Variants in MIA2 observed in about 807,000 individuals in gnomAD.
MIA2 encodes the protein melanoma inhibitory activity protein 2.
A neutral mutation model predicts 167.8 loss-of-function variants in MIA2; 127 were observed. The ratio of observed to expected loss-of-function variants is 0.76; its 90% CI spans 0.66 to 0.88. The LOEUF is 0.88. MIA2 is among the 40% of genes least tolerant of loss of function. The probability of loss-of-function intolerance (pLI) is 0.00; values close to 1 mark genes in which losing one functional copy is unlikely to be tolerated. For synonymous variants in MIA2, 552 were observed against 541.9 expected, an observed-to-expected ratio of 1.02 and a Z score of -0.26; for missense variants, 1,690 against 1,624.7, an observed-to-expected ratio of 1.04 and a Z score of -0.69.
At chr14:39,303,206 A>G (rs1415132869) in intron 15 of MIA2, among the ~76,000 whole-genome samples, 2 of 152,146 alleles carry the variant, frequency 1.3e-5, no homozygotes, top group Admixed American at 6.5e-5. Context: ...ATTGTGGTCT[A>G]TATTTAGATG....
downstream of MIA2, among the ~76,000 whole-genome samples, chr14:39,356,125 G>A (rs372749101): frequency 1.1e-4 from 16 of 152,190 alleles, no homozygotes; most frequent in East Asian, 9.6e-4. Flanking sequence ...TTCAGAAGGA[G>A]TGGTACCAGC....
Position 39,348,876 on chromosome 14 carries a change from G to A in MIA2, c.3971G>A (p.Gly1324Glu). The change falls in exon 28 of 29, where the codon GGA (glycine) becomes GAA (glutamate). Residue 1324 changes from glycine to glutamate, a missense_variant. Coordinates refer to ENST00000640607, the MANE Select transcript of MIA2 (RefSeq NM_001329214.4). The part of the protein sequence containing the change: ...VDARGPFLRR[G>E]PPFPPPPPGA... Reference sequence around the variant, plus strand: ...GCAAGAGGCCCATTCTTGAGAAGAGGACCTCCTTTCCCCCCACCTCCTCCA... The same window carrying A: ...GCAAGAGGCCCATTCTTGAGAAGAGAACCTCCTTTCCCCCCACCTCCTCCA... 6.2e-7 allele frequency: 1 copy of A among 1,614,044 alleles called. No homozygotes were observed. Among genetic ancestry groups the A allele is most frequent in the South Asian group, 1.1e-5 (1 of 91,082 alleles).
chr14:39,349,276 T>C (rs2074038686), intron 28 of MIA2, among the ~76,000 whole-genome samples: 1 of 152,214 alleles, frequency 6.6e-6, no homozygotes, highest in Non-Finnish European at 1.5e-5. Flanking sequence ...TGTACCTTAT[T>C]TGGTAGCAAC....
At chr14:39,327,340 C>T (rs768493987) in intron 25 of MIA2, among the ~76,000 whole-genome samples, 6 of 152,142 alleles carry the variant, frequency 3.9e-5, no homozygotes, top group Non-Finnish European at 5.9e-5. Context: ...GTCATCTTAG[C>T]GTGTCCTTCC....
chr14:39,376,259 G>A (rs1427123944), intron 23 of MIA2, among the ~76,000 whole-genome samples: 1 of 152,000 alleles, frequency 6.6e-6, no homozygotes, highest in Non-Finnish European at 1.5e-5. Context: ...CAGCCAAATG[G>A]TTTTACATTT....
intron 23 of MIA2, among the ~76,000 whole-genome samples, chr14:39,359,245 G>T (rs1472245111): frequency 6.6e-6 from 1 of 152,208 alleles, no homozygotes; most frequent in African/African-American, 2.4e-5. Flanking sequence ...TCAAGCCTCA[G>T]CAATGGCGGG....
chr14:39,247,424 A>G lies in MIA2; in HGVS notation c.850A>G (p.Ile284Val). 6.2e-7 allele frequency: 1 copy of G among 1,614,120 alleles called. No individual in the cohort carries two copies. Among genetic ancestry groups the G allele is most frequent in the African/African-American group, 1.3e-5 (1 of 75,068 alleles). Residue 284 changes from isoleucine (I) to valine (V), a missense_variant, in exon 4 of 29, where the codon ATT becomes GTT. By Grantham distance (29) the Ile-to-Val change is conservative. Transcript: ENST00000640607. ...ACATCAGCAAGAATCTGAATCAGAA[A>G]TTGATTCAGTGCCAAAGACACAGTC... ...TEHQQESESE[I>V]DSVPKTQSEL...
At chr14:39,359,231 C>G (rs1350376528) in intron 23 of MIA2, among the ~76,000 whole-genome samples, 1 of 152,176 alleles carries the variant, frequency 6.6e-6, no homozygotes, top group South Asian at 2.1e-4. Flanking sequence ...GTTTGTTTAC[C>G]TGCTCAAGCC....
At chr14:39,314,676 G>A (rs796292301) in intron 19 of MIA2, 63 bp from the exon 20 acceptor site, 2 of 822,984 alleles carry the variant, frequency 2.4e-6, no homozygotes, top group Admixed American at 2.8e-5. Context: ...TTTTTTAGTA[G>A]AGAGTATGTT....
chr14:39,239,908 C>A (rs1289284723), intron 2 of MIA2, among the ~76,000 whole-genome samples: 2 of 152,066 alleles, frequency 1.3e-5, no homozygotes, highest in African/African-American at 2.4e-5. Flanking sequence ...GATTAGAGGG[C>A]CAAAAGAAAT....
At chr14:39,385,965 C>T (rs769167083) in intron 23 of MIA2, 102 of 818,382 alleles carry the variant, frequency 1.2e-4, no homozygotes, top group Non-Finnish European at 2.0e-4. Flanking sequence ...GACCAGGAGC[C>T]TGTCCGCCAC....
intron 18 of MIA2, among the ~76,000 whole-genome samples, chr14:39,311,552 A>C (rs1355466580): frequency 7.6e-6 from 1 of 132,412 alleles, no homozygotes; most frequent in Non-Finnish European, 1.5e-5. Flanking sequence ...ATCTTGGCTT[A>C]CCACAAGCTC....
At chr14:39,294,603 C>CT (rs2061167806) in intron 12 of MIA2, among the ~76,000 whole-genome samples, 1 of 151,918 alleles carries the variant, frequency 6.6e-6, no homozygotes, top group South Asian at 2.1e-4. Context: ...TTGCTTGACA[C>CT]TTAACATTAA....
At chr14:39,279,121 A>G (rs1348841229) in intron 7 of MIA2, among the ~76,000 whole-genome samples, 2 of 134,876 alleles carry the variant, frequency 1.5e-5, no homozygotes, top group Non-Finnish European at 3.1e-5. Context: ...AGATCGCGTC[A>G]TTGCACTCCA....
At chr14:39,384,666 C>T (rs2075237054) in intron 23 of MIA2, among the ~76,000 whole-genome samples, 1 of 152,162 alleles carries the variant, frequency 6.6e-6, no homozygotes, top group Non-Finnish European at 1.5e-5. Flanking sequence ...TCAAGATCCT[C>T]ACTCCGGCAC....
chr14:39,279,995 A>G (rs1322276241), intron 9 of MIA2, among the ~76,000 whole-genome samples: 1 of 152,196 alleles, frequency 6.6e-6, no homozygotes, highest in Non-Finnish European at 1.5e-5. Flanking sequence ...AATTCAGTCC[A>G]TAATAGTCTT....
chr14:39,332,260 A>C (rs1198892040), intron 25 of MIA2, among the ~76,000 whole-genome samples: 1 of 152,116 alleles, frequency 6.6e-6, no homozygotes, highest in Non-Finnish European at 1.5e-5. Context: ...TGTATGCTTC[A>C]TGAAGTTCTC....
rs150675993 is a variant in MIA2 at position 39,306,245 on chromosome 14, T to C, written c.2878+1864T>C. Among the ~76,000 whole-genome samples the C allele has an allele frequency of 2.0e-3, 298 of 152,304 alleles. 2 individuals carry two copies. The highest frequency in any genetic ancestry group is 6.6e-3 in the African/African-American group (276 of 41,570). On this transcript the variant is annotated intron_variant, in intron 17 of 28. Coordinates refer to ENST00000640607, the MANE Select transcript of MIA2 (RefSeq NM_001329214.4). ...ATGTTTAATGGGTTATATTAGTCCG[T>C]TCTCACATTGCTGTAAAGAACTACC... is the stretch of plus-strand genomic sequence containing the variant.
chr14:39,321,687 T>A (rs1285076686), intron 24 of MIA2, among the ~76,000 whole-genome samples: 2 of 152,088 alleles, frequency 1.3e-5, no homozygotes, highest in Non-Finnish European at 2.9e-5. Context: ...AATATAAAAT[T>A]TTGTAAGACT....
Sources: allele counts gnomAD v4.1 joint callset (sites outside exome capture counted in the v4.1 genomes callset), GRCh38; gene constraint gnomAD v4.1.1; transcripts MANE v1.5; gene names NCBI Gene and HGNC (gene_info 2026-07-23, HGNC 2026-07-21).